Variants in MRPS31 observed in about 807,000 individuals in gnomAD.
The protein encoded by MRPS31 is mitochondrial ribosomal protein S31, also known as small ribosomal subunit protein mS31.
In MRPS31, 32 loss-of-function variants were observed where a neutral mutation model predicts 43.1. The observed-to-expected ratio is 0.74, with a 90% CI of 0.56 to 1.00. MRPS31 has a LOEUF of 1.00. Ranked by LOEUF, MRPS31 falls within the 50% of genes least tolerant of loss-of-function variation. The pLI, the probability that MRPS31 is intolerant of heterozygous loss-of-function variation, is 0.00. For synonymous variants in MRPS31, 165 were observed against 161.6 expected (o/e 1.02, Z -0.16); for missense variants, 437 against 466.7 (o/e 0.94, Z 0.59).
intron 6 of MRPS31, among the ~76,000 whole-genome samples, chr13:40,737,221 A>T (rs1221619804): frequency 6.6e-6 from 1 of 151,920 alleles, no homozygotes; most frequent in Non-Finnish European, 1.5e-5. Context: ...CAATTCAACA[A>T]GAAGAGCTCA....
chr13:40,733,295 C>T (rs1440087289), intron 6 of MRPS31, among the ~76,000 whole-genome samples: 3 of 151,994 alleles, frequency 2.0e-5, no homozygotes, highest in Non-Finnish European at 4.4e-5. Context: ...TGAGCCACCG[C>T]GCCCAGCCCA....
intron 6 of MRPS31, among the ~76,000 whole-genome samples, chr13:40,737,611 C>G (rs1879959818): frequency 6.6e-6 from 1 of 152,194 alleles, no homozygotes; most frequent in South Asian, 2.1e-4. Flanking sequence ...TGCAATCAAA[C>G]TAGAACTCAG....
intron 6 of MRPS31, among the ~76,000 whole-genome samples, chr13:40,741,573 A>G (rs1880092488): frequency 1.3e-5 from 2 of 152,226 alleles, no homozygotes; most frequent in South Asian, 4.1e-4. Context: ...TTGAAAGGTT[A>G]ACAATATCCA....
chr13:40,754,118 T>C, intron 4 of MRPS31, 26 bp from the exon 5 acceptor site: 1 of 1,246,808 alleles, frequency 8.0e-7, no homozygotes, highest in Non-Finnish European at 1.2e-6. Context: ...GAAAATAACA[T>C]TTTAATGAAT....
chr13:40,730,038 G>C lies in MRPS31; in HGVS notation c.959-437C>G, dbSNP rs117981056. Among the ~76,000 whole-genome samples, 1,083 of 151,816 alleles carry C rather than the reference G, an allele frequency of 7.1e-3. 11 individuals carry two copies. The highest frequency in any genetic ancestry group is 0.034 in the Middle Eastern group (10 of 294). On this transcript the variant is annotated intron_variant, in intron 6 of 6. Coordinates refer to ENST00000323563, the MANE Select transcript of MRPS31 (RefSeq NM_005830.4). ...AGCCACCACGCCTGGCCCGGAGTTA[G>C]ATCTAACTTTGCCCACCAATTTAAC... is the stretch of plus-strand genomic sequence containing the variant.
intron 6 of MRPS31, among the ~76,000 whole-genome samples, chr13:40,745,963 A>T (rs1433670682): frequency 6.6e-6 from 1 of 152,244 alleles, no homozygotes; most frequent in East Asian, 1.9e-4. Context: ...GGCAAAGCAC[A>T]AGGGAAGGGA....
At chr13:40,765,778 C>G (rs907851516) in intron 2 of MRPS31, among the ~76,000 whole-genome samples, 2 of 152,182 alleles carry the variant, frequency 1.3e-5, no homozygotes, top group African/African-American at 4.8e-5. Context: ...CCTAAAGCCA[C>G]ATAGCTTACT....
At chr13:40,759,784 T>C (rs967882718) in intron 2 of MRPS31, among the ~76,000 whole-genome samples, 5 of 152,142 alleles carry the variant, frequency 3.3e-5, no homozygotes, top group African/African-American at 1.2e-4. Context: ...ACAATATATA[T>C]TGTAAGCAAA....
intron 3 of MRPS31, among the ~76,000 whole-genome samples, chr13:40,757,873 T>C (rs1880578096): frequency 1.3e-5 from 2 of 149,550 alleles, no homozygotes; most frequent in African/African-American, 2.5e-5. Flanking sequence ...CCGGGTGCAG[T>C]GGCTCACGCC....
intron 2 of MRPS31, among the ~76,000 whole-genome samples, chr13:40,762,616 T>C (rs1447869902): frequency 6.6e-6 from 1 of 151,956 alleles, no homozygotes; most frequent in Non-Finnish European, 1.5e-5. Flanking sequence ...TTTCATTTTT[T>C]GTAGAGACTG....
At chr13:40,766,078 A>G (rs1206906569) in intron 2 of MRPS31, among the ~76,000 whole-genome samples, 1 of 152,252 alleles carries the variant, frequency 6.6e-6, no homozygotes, top group Non-Finnish European at 1.5e-5. Context: ...AGTCCTTTAC[A>G]GACATTAAGC....
Position 40,748,928 on chromosome 13 carries a change from T to C in MRPS31, c.958+210A>G, listed in dbSNP as rs543803839. Among the ~76,000 whole-genome samples, 296 of 152,332 alleles carry C rather than the reference T, an allele frequency of 1.9e-3. 1 individual carries two copies. The highest frequency in any genetic ancestry group is 6.9e-3 in the African/African-American group (286 of 41,578). On this transcript the variant is annotated intron_variant, in intron 6 of 6. Coordinates refer to ENST00000323563, the MANE Select transcript of MRPS31 (RefSeq NM_005830.4). Reference sequence around the variant, plus strand: ...ATGATGGATTTTTGCCATATAGTTTTACTTCTTCATTTTTCCTTATCGAAT... The same window carrying C: ...ATGATGGATTTTTGCCATATAGTTTCACTTCTTCATTTTTCCTTATCGAAT...
chr13:40,734,113 A>G (rs955920973), intron 6 of MRPS31, among the ~76,000 whole-genome samples: 3 of 152,338 alleles, frequency 2.0e-5, no homozygotes, highest in Non-Finnish European at 4.4e-5. Context: ...TGGGTGACAA[A>G]GCAAGAAAGA....
chr13:40,756,685 G>A (rs1303618876), intron 4 of MRPS31, among the ~76,000 whole-genome samples, 188 bp downstream of exon 4: 2 of 152,204 alleles, frequency 1.3e-5, no homozygotes. Context: ...CTACAGGACT[G>A]GCTAAATCCA....
At chr13:40,748,423 T>A (rs1464276480) in intron 6 of MRPS31, among the ~76,000 whole-genome samples, 22 of 152,240 alleles carry the variant, frequency 1.4e-4, no homozygotes, top group East Asian at 1.9e-4. Context: ...TCCCAAAGTG[T>A]TGGGATAACA....
chr13:40,733,286 G>C (rs1879763733), intron 6 of MRPS31, among the ~76,000 whole-genome samples: 1 of 152,050 alleles, frequency 6.6e-6, no homozygotes, highest in African/African-American at 2.4e-5. Context: ...TCACAGGTGT[G>C]AGCCACCGCG....
In MRPS31 at chr13:40,766,985, A is replaced by G. The variant is rs1442052325; in HGVS notation, c.201T>C (p.Cys67=). 1.2e-6 allele frequency: 2 copies of G among 1,613,702 alleles called. No individual in the cohort carries two copies. Among genetic ancestry groups the G allele is most frequent in the Non-Finnish European group, 1.7e-6 (2 of 1,179,946 alleles). The change falls in exon 2 of 7, where the codon TGT becomes TGC. Residue 67 remains cysteine (C), a synonymous_variant. Coordinates refer to ENST00000323563, the MANE Select transcript of MRPS31 (RefSeq NM_005830.4). ...QRYFGTNSVI[C]SKKDKQSVRT... is the part of the protein sequence containing the mutation. Reference sequence around the variant, plus strand: ...GAACAGACTGCTTATCTTTCTTGCTACAGATCACACTGTTAGTGCCAAAAT... The same window carrying G: ...GAACAGACTGCTTATCTTTCTTGCTGCAGATCACACTGTTAGTGCCAAAAT...
intron 6 of MRPS31, among the ~76,000 whole-genome samples, chr13:40,734,408 A>G (rs1010123668): frequency 6.6e-6 from 1 of 152,200 alleles, no homozygotes; most frequent in African/African-American, 2.4e-5. Context: ...AGACAGCTCC[A>G]GGTACCCATG....
chr13:40,735,244 A>C (rs1020468364), intron 6 of MRPS31, among the ~76,000 whole-genome samples: 5 of 152,340 alleles, frequency 3.3e-5, no homozygotes, highest in African/African-American at 9.6e-5. Flanking sequence ...AAAACGGCGC[A>C]CCAGATTATA....
Sources: gnomAD v4.1 joint callset for allele counts (sites outside exome capture counted in the v4.1 genomes callset) on GRCh38, gnomAD v4.1.1 for gene constraint, MANE v1.5 for transcripts, NCBI Gene and HGNC (gene_info 2026-07-23, HGNC 2026-07-21) for gene names.